SLCO3A1: variants seen among roughly 807,000 people sequenced by gnomAD.
SLCO3A1 encodes the protein PGE1 transporter.
SLCO3A1 carries 27 observed loss-of-function variants against 63.1 expected under a neutral mutation model. The observed-to-expected ratio is 0.43, with a 90% CI of 0.32 to 0.59. The LOEUF is 0.59. SLCO3A1 is among the 20% of genes least tolerant of loss of function. The pLI is 0.09. For missense variants in SLCO3A1, 773 were observed against 945.8 expected (o/e 0.82, Z 2.40); for synonymous variants, 473 against 409.9 (o/e 1.15, Z -1.86).
intron 3 of SLCO3A1, among the ~76,000 whole-genome samples, chr15:92,097,248 A>G (rs1038455831): frequency 6.6e-6 from 1 of 151,928 alleles, no homozygotes; most frequent in Non-Finnish European, 1.5e-5. Context: ...CAAGTCACAG[A>G]GAGGGGAAGG....
intron 2 of SLCO3A1, among the ~76,000 whole-genome samples, chr15:92,072,720 A>C (rs947661702): frequency 2.0e-5 from 3 of 152,000 alleles, no homozygotes; most frequent in Non-Finnish European, 4.4e-5. Flanking sequence ...TGTGTAACTC[A>C]TGTCTGTGGC....
intron 4 of SLCO3A1, among the ~76,000 whole-genome samples, chr15:92,108,698 C>G (rs1167709462): frequency 6.6e-6 from 1 of 152,208 alleles, no homozygotes; most frequent in East Asian, 1.9e-4. Context: ...TCTGCCTTCT[C>G]CCTCCAGCTC....
chr15:91,955,862 C>T (rs1900154146), intron 2 of SLCO3A1, among the ~76,000 whole-genome samples: 1 of 152,200 alleles, frequency 6.6e-6, no homozygotes, highest in African/African-American at 2.4e-5. Flanking sequence ...CTGTAATTAC[C>T]AGCTTTCTTT....
chr15:92,118,855 C>G (rs1157821522), intron 4 of SLCO3A1, among the ~76,000 whole-genome samples: 2 of 152,220 alleles, frequency 1.3e-5, no homozygotes, highest in African/African-American at 4.8e-5. Flanking sequence ...CGCAGCAGCA[C>G]AGACTTCCCT....
At chr15:92,151,368 C>T (rs375072914) in intron 9 of SLCO3A1, among the ~76,000 whole-genome samples, 4 of 152,078 alleles carry the variant, frequency 2.6e-5, no homozygotes, top group South Asian at 2.1e-4. Context: ...TTTATGGGGC[C>T]GCCAGCTGGG....
chr15:91,908,824 G>A (rs1898392524), intron 1 of SLCO3A1: 1 of 151,716 alleles, frequency 6.6e-6, no homozygotes, highest in South Asian at 2.1e-4. Flanking sequence ...ACTTTGGGAG[G>A]CCGAGGTGGG....
At chr15:91,870,069 G>C (rs1307399165) in intron 1 of SLCO3A1, among the ~76,000 whole-genome samples, 1 of 152,148 alleles carries the variant, frequency 6.6e-6, no homozygotes, top group East Asian at 1.9e-4. Context: ...CTTTGGGGAG[G>C]ATTGAGTGGG....
At position 91,893,172 on chromosome 15, in the gene SLCO3A1, G is replaced by A. The variant is rs150400500; in HGVS notation, c.181-22821G>A. On this transcript the variant is annotated intron_variant, in intron 1 of 9. Transcript: ENST00000318445. ...GTAGCTGATGAATACTTGACATGTG[G>A]GTAGTATGATTAAAGAGCTGCATTT... is the stretch of plus-strand genomic sequence containing the variant. Among the ~76,000 whole-genome samples, 106 of 152,222 alleles carry A rather than the reference G, an allele frequency of 7.0e-4. 1 individual carries two copies. Among genetic ancestry groups the A allele is most frequent in the African/African-American group, 2.5e-3 (104 of 41,534 alleles).
At position 91,894,751 on chromosome 15, in the gene SLCO3A1, C is replaced by T. The variant is rs1897960844; in HGVS notation, c.181-21242C>T. ...TTTCTAAAAGGCTCTCTGGTGATGT[C>T]AGCTACTCCTGCTGGAGCCCCACTT... is the stretch of plus-strand genomic sequence containing the variant. On this transcript the variant is annotated intron_variant, in intron 1 of 9. Coordinates refer to ENST00000318445, the MANE Select transcript of SLCO3A1 (RefSeq NM_013272.4). This position sits in a 1 kb window ranked among gnomAD's most constrained non-coding sequence, Gnocchi z 4.8. Among the ~76,000 whole-genome samples, 1 of 152,174 alleles carries T rather than the reference C, an allele frequency of 6.6e-6. No individual in the cohort carries two copies. The highest frequency in any genetic ancestry group is 2.1e-4 in the South Asian group (1 of 4,816).
chr15:91,961,223 A>G (rs1426031979), intron 2 of SLCO3A1, among the ~76,000 whole-genome samples: 1 of 152,246 alleles, frequency 6.6e-6, no homozygotes, highest in Admixed American at 6.5e-5. Context: ...GCATTTGTAG[A>G]AGATTCATTA....
rs1407837090 is a variant in SLCO3A1, at chr15:91,963,895, T to G, written c.646+47437T>G. On this transcript the variant is annotated intron_variant, in intron 2 of 9. Coordinates refer to ENST00000318445, the MANE Select transcript of SLCO3A1 (RefSeq NM_013272.4). ...ACCCAAGCAGGTTGCCGCTGCTATT[T>G]CGGGTGGCCAGCTTTTATTCCCTTA... Among the ~76,000 whole-genome samples the G allele has an allele frequency of 2.6e-5, 4 of 152,136 alleles. No individual in the cohort carries two copies. The South Asian group carries it at 8.3e-4, about 32-fold the overall frequency.
At chr15:91,884,986 A>G (rs573066035) in intron 1 of SLCO3A1, among the ~76,000 whole-genome samples, 1 of 152,216 alleles carries the variant, frequency 6.6e-6, no homozygotes, top group African/African-American at 2.4e-5. Context: ...ATGGGGTCTG[A>G]TTCCCTTCCT....
chr15:91,995,234 C>G (rs1288671002), intron 2 of SLCO3A1, among the ~76,000 whole-genome samples: 2 of 152,090 alleles, frequency 1.3e-5, no homozygotes, highest in African/African-American at 4.8e-5. Context: ...GAGGAAGGCA[C>G]AGAGACCTGG....
intron 2 of SLCO3A1, among the ~76,000 whole-genome samples, chr15:92,016,904 CTAGGG>C (rs1176271040): frequency 1.3e-5 from 2 of 152,174 alleles, no homozygotes; most frequent in African/African-American, 4.8e-5. Flanking sequence ...AAGATAAAGA[CTAGGG>C]CTTGATCGCA....
At chr15:92,069,606 C>T (rs988681941) in intron 2 of SLCO3A1, among the ~76,000 whole-genome samples, 34 of 152,320 alleles carry the variant, frequency 2.2e-4, no homozygotes, top group African/African-American at 7.7e-4. Flanking sequence ...AATCCCTGCC[C>T]GTCTACAGGT....
chr15:91,888,919 G>C (rs141915234), intron 1 of SLCO3A1, among the ~76,000 whole-genome samples: 7 of 151,734 alleles, frequency 4.6e-5, no homozygotes, highest in African/African-American at 1.2e-4. Context: ...TGGGGTGGGC[G>C]GATCGCTTGA....
intron 2 of SLCO3A1, among the ~76,000 whole-genome samples, chr15:91,961,370 T>C (rs1240346084): frequency 1.3e-5 from 2 of 152,244 alleles, no homozygotes; most frequent in Non-Finnish European, 2.9e-5. Context: ...TGATTTTGCC[T>C]GAAGGGCATA....
At chr15:91,970,271 A>G (rs1206534606) in intron 2 of SLCO3A1, among the ~76,000 whole-genome samples, 1 of 152,224 alleles carries the variant, frequency 6.6e-6, no homozygotes, top group Non-Finnish European at 1.5e-5. Flanking sequence ...AGAGCACAGC[A>G]TATTTGCATG....
At chr15:92,042,064 C>T (rs147535493) in intron 2 of SLCO3A1, among the ~76,000 whole-genome samples, 2 of 152,172 alleles carry the variant, frequency 1.3e-5, no homozygotes, top group Admixed American at 6.5e-5. Flanking sequence ...TCAGATGAGC[C>T]CCATGTGACT....
Sources: allele counts gnomAD v4.1 joint callset (sites outside exome capture counted in the v4.1 genomes callset), GRCh38; gene constraint gnomAD v4.1.1; non-coding constraint Gnocchi (gnomAD v3.1); transcripts MANE v1.5; gene names NCBI Gene and HGNC (gene_info 2026-07-23, HGNC 2026-07-21).